COLGALT1: variants seen among roughly 807,000 people sequenced by gnomAD.
COLGALT1 encodes collagen beta(1-O)galactosyltransferase 1.
COLGALT1 carries 43 observed loss-of-function variants against 60.8 expected under a neutral mutation model. The ratio of observed to expected loss-of-function variants is 0.71; its 90% CI spans 0.55 to 0.91. The LOEUF is 0.91. COLGALT1 is among the 40% of genes least tolerant of loss of function. The pLI, the probability that COLGALT1 is intolerant of heterozygous loss-of-function variation, is 0.00. For missense variants in COLGALT1, 845 were observed against 880.0 expected (o/e 0.96, Z 0.50); for synonymous variants, 369 against 374.2 (o/e 0.99, Z 0.16).
intron 10 of COLGALT1, 105 bp downstream of exon 10, chr19:17,579,714 T>G: frequency 2.1e-5 from 29 of 1,363,088 alleles, no homozygotes; most frequent in East Asian, 1.0e-4. Context: ...GGATGGGTCA[T>G]GGCTTAGAGG....
At chr19:17,575,816 T>G (rs1415922427) in intron 6 of COLGALT1, among the ~76,000 whole-genome samples, 2 of 152,122 alleles carry the variant, frequency 1.3e-5, no homozygotes, top group African/African-American at 2.4e-5. Context: ...GATTTCCCCT[T>G]TTAAAAGCAC....
rs1599778065 is a variant in COLGALT1, at chr19:17,560,606, G to A, written c.489+141G>A. ...GAGGCTTAGAGAGGGGAGATGAGTT[G>A]CTTGAGGTGATATGGTTGGTCAGTG... On this transcript the variant is annotated intron_variant, in intron 3 of 11. Transcript: ENST00000252599. The A allele has an allele frequency of 8.8e-6, 6 of 682,184 alleles. No homozygotes were observed. In the East Asian group the frequency reaches 1.6e-4, roughly 18 times the overall value. 42.3% of individuals were successfully genotyped at this position (682,184 alleles called of 1,614,324 possible).
At chr19:17,577,835 G>T in intron 8 of COLGALT1, 122 bp from the exon 9 acceptor site, 1 of 1,331,246 alleles carries the variant, frequency 7.5e-7, no homozygotes, top group Non-Finnish European at 1.0e-6. Context: ...CCCGGAAGGG[G>T]TGCCAGTGCT....
In COLGALT1 at chr19:17,582,171, A is replaced by C. The variant is rs1046860204; in HGVS notation, c.*727A>C. The C allele has an allele frequency of 6.6e-6, 1 of 152,148 alleles. No individual in the cohort carries two copies. Among genetic ancestry groups the C allele is most frequent in the Non-Finnish European group, 1.5e-5 (1 of 68,114 alleles). 9.4% of individuals were successfully genotyped at this position (152,148 alleles called of 1,614,324 possible). On this transcript the variant is annotated 3_prime_UTR_variant, in exon 12 of 12. Transcript: ENST00000252599. ...TGATCTGCCCGCCTTGGCCACCCAA[A>C]GTGCTAGGGTTACAGGCATGAGCCA...
At chr19:17,562,068 G>A (rs550858848) in intron 3 of COLGALT1, among the ~76,000 whole-genome samples, 4 of 152,124 alleles carry the variant, frequency 2.6e-5, no homozygotes, top group East Asian at 3.9e-4. Flanking sequence ...ACGGGGTTTC[G>A]CCATGTTGGC....
intron 1 of COLGALT1, among the ~76,000 whole-genome samples, 194 bp from the exon 2 acceptor site, chr19:17,559,117 G>A (rs188020771): frequency 1.9e-4 from 29 of 152,172 alleles, no homozygotes; most frequent in South Asian, 1.0e-3. Context: ...CCGAGATCGC[G>A]CCACTGCACT....
intron 3 of COLGALT1, among the ~76,000 whole-genome samples, chr19:17,565,600 G>A (rs1193007504): frequency 6.6e-6 from 1 of 151,662 alleles, no homozygotes; most frequent in Non-Finnish European, 1.5e-5. Flanking sequence ...AACCTAGGAG[G>A]TGGAGGTTGC....
chr19:17,577,423 G>GA lies in COLGALT1; in HGVS notation c.1089_1090insA (p.Ala364SerfsTer46). Reference sequence around the variant, plus strand: ...GGGAGCGCATGCTGCGGGCGCTGCAGGCACAGGAGATCGAGTGCCGGCTGG... The same window carrying GA: ...GGGAGCGCATGCTGCGGGCGCTGCAGAGCACAGGAGATCGAGTGCCGGCTGG... On this transcript the variant is annotated frameshift_variant, in exon 8 of 12. Coordinates refer to ENST00000252599, the MANE Select transcript of COLGALT1 (RefSeq NM_024656.4). LOFTEE classifies it high-confidence loss of function. 1 of 1,548,194 alleles carries GA rather than the reference G, an allele frequency of 6.5e-7. No individual in the cohort carries two copies. Among genetic ancestry groups the GA allele is most frequent in the Non-Finnish European group, 8.7e-7 (1 of 1,153,040 alleles).
In COLGALT1 at chr19:17,582,636, G is replaced by T. The variant is rs995242769; in HGVS notation, c.*1192G>T. 6.6e-6 allele frequency: 1 copy of T among 152,270 alleles called. No homozygotes were observed. The highest frequency in any genetic ancestry group is 1.5e-5 in the Non-Finnish European group (1 of 68,058). 9.4% of individuals were successfully genotyped at this position (152,270 alleles called of 1,614,324 possible). A position where few individuals can be genotyped will look rare whatever the true frequency, so the allele number is the denominator to read the frequency against. On this transcript the variant is annotated 3_prime_UTR_variant, in exon 12 of 12. Coordinates refer to ENST00000252599, the MANE Select transcript of COLGALT1 (RefSeq NM_024656.4). ...ACAAGTGTTTATTGAGCACCTGTGT[G>T]CCAGGCCTCACAGACTCCCAGTTGG... is the stretch of plus-strand genomic sequence containing the variant.
rs1411561334 is a variant in COLGALT1, at chr19:17,568,507, A to C, written c.625-2A>C. 1.2e-6 allele frequency: 2 copies of C among 1,613,622 alleles called. No homozygotes were observed. The highest frequency in any genetic ancestry group is 1.7e-4 in the Middle Eastern group (1 of 6,038). Reference sequence around the variant, plus strand: ...CGCGGAACTCTCGCTCTCTCCCCACAGGGCTACTACAAGCGCACACCTGCC... The same window carrying C: ...CGCGGAACTCTCGCTCTCTCCCCACCGGGCTACTACAAGCGCACACCTGCC... On this transcript the variant is annotated splice_acceptor_variant, in intron 4 of 11. Transcript: ENST00000252599. LOFTEE classifies it high-confidence loss of function.
At chr19:17,573,243 T>G (rs576009086) in intron 6 of COLGALT1, among the ~76,000 whole-genome samples, 104 of 151,764 alleles carry the variant, frequency 6.9e-4, no homozygotes, top group Non-Finnish European at 1.3e-3. Context: ...TAAAAAAAAT[T>G]TTGGCCGGGT....
intron 1 of COLGALT1, chr19:17,556,653 G>A (rs1164859941): frequency 6.7e-5 from 32 of 479,638 alleles, no homozygotes; most frequent in Non-Finnish European, 8.2e-5. Flanking sequence ...GGCTCACGCA[G>A]TAATCCTAGC....
intron 1 of COLGALT1, among the ~76,000 whole-genome samples, chr19:17,558,730 A>G (rs1663926611): frequency 6.6e-6 from 1 of 151,984 alleles, no homozygotes; most frequent in South Asian, 2.1e-4. Context: ...GTGGTTTGCA[A>G]GATCTTAGAT....
intron 6 of COLGALT1, among the ~76,000 whole-genome samples, chr19:17,575,455 C>CTGG (rs1237440623): frequency 1.3e-5 from 2 of 152,156 alleles, no homozygotes; most frequent in African/African-American, 4.8e-5. Flanking sequence ...CTGTGTTAAC[C>CTGG]TGGATGGCCT....
intron 4 of COLGALT1, 27 bp downstream of exon 4, chr19:17,567,567 G>A: frequency 6.2e-7 from 1 of 1,605,884 alleles, no homozygotes; most frequent in Non-Finnish European, 8.5e-7. Context: ...GGGACTGTGG[G>A]GACTGGGCTG....
chr19:17,556,365 A>C (rs1284486788), intron 1 of COLGALT1, among the ~76,000 whole-genome samples: 1 of 152,220 alleles, frequency 6.6e-6, no homozygotes, highest in African/African-American at 2.4e-5. Context: ...CAAAGGACGG[A>C]GCCCAGAGCC....
intron 3 of COLGALT1, among the ~76,000 whole-genome samples, chr19:17,565,197 C>T (rs1403461815): frequency 6.6e-6 from 1 of 152,036 alleles, no homozygotes; most frequent in Non-Finnish European, 1.5e-5. Context: ...CTCTGTCGCG[C>T]AGGTTTGCAG....
intron 3 of COLGALT1, among the ~76,000 whole-genome samples, chr19:17,562,528 G>A (rs974382131): frequency 2.0e-5 from 3 of 152,156 alleles, no homozygotes; most frequent in Non-Finnish European, 2.9e-5. Flanking sequence ...TTGGCATGGT[G>A]ATGCGCGCCT....
At position 17,571,529 on chromosome 19, in the gene COLGALT1, C is replaced by G. The variant is rs545384700; in HGVS notation, c.830-954C>G. ...AGGATTTCGAGACCAGCCTGGCCAA[C>G]GTGGTGAAACCCCACCTCTACTAAA... On this transcript the variant is annotated intron_variant, in intron 5 of 11. Transcript: ENST00000252599. 2.4e-4 allele frequency among the ~76,000 whole-genome samples: 37 copies of G among 151,694 alleles called. No homozygotes were observed. In the South Asian group the frequency reaches 7.3e-3, roughly 30 times the overall value.
Sources: gnomAD v4.1 joint callset for allele counts (sites outside exome capture counted in the v4.1 genomes callset) on GRCh38, gnomAD v4.1.1 for gene constraint, MANE v1.5 for transcripts, NCBI Gene and HGNC (gene_info 2026-07-23, HGNC 2026-07-21) for gene names.